The following PTPRK variants were observed in gnomAD, a reference collection of about 807,000 sequenced individuals.
PTPRK encodes the protein receptor-type tyrosine-protein phosphatase kappa.
In PTPRK, 75 loss-of-function variants were observed where a neutral mutation model predicts 178.0. The ratio of observed to expected loss-of-function variants is 0.42; its 90% CI spans 0.35 to 0.51. The LOEUF (loss-of-function observed/expected upper bound fraction) is 0.51, where lower values mean the gene tolerates loss of function less well. PTPRK is among the 20% of genes least tolerant of loss of function. The probability of loss-of-function intolerance (pLI) is 0.02; values close to 1 mark genes in which losing one functional copy is unlikely to be tolerated. For missense variants in PTPRK, 1,441 were observed against 1,797.8 expected, an observed-to-expected ratio of 0.80 and a Z score of 3.59; for synonymous variants, 637 against 620.6, an observed-to-expected ratio of 1.03 and a Z score of -0.39.
chr6:128,302,822 C>T (rs1825845725), intron 3 of PTPRK, among the ~76,000 whole-genome samples: 1 of 152,094 alleles, frequency 6.6e-6, no homozygotes, highest in African/African-American at 2.4e-5. Flanking sequence ...TATCTTTATG[C>T]TAACGGCTCC....
At chr6:128,299,499 G>T (rs1825160903) in intron 3 of PTPRK, among the ~76,000 whole-genome samples, 1 of 151,750 alleles carries the variant, frequency 6.6e-6, no homozygotes, top group Non-Finnish European at 1.5e-5. Flanking sequence ...AACCAAAACA[G>T]CATGGTACTG....
At chr6:128,065,888 G>A (rs1161496034) in intron 12 of PTPRK, among the ~76,000 whole-genome samples, 1 of 152,146 alleles carries the variant, frequency 6.6e-6, no homozygotes, top group Non-Finnish European at 1.5e-5. Flanking sequence ...TCTACTTGTA[G>A]AAGTCACATC....
At chr6:128,098,316 C>T (rs551068606) in intron 7 of PTPRK, among the ~76,000 whole-genome samples, 2 of 152,120 alleles carry the variant, frequency 1.3e-5, no homozygotes, top group African/African-American at 4.8e-5. Context: ...CTTCCCCATG[C>T]TTTGATTTTG....
At chr6:128,092,930 TG>T (rs758759674) in intron 7 of PTPRK, among the ~76,000 whole-genome samples, 34 of 152,330 alleles carry the variant, frequency 2.2e-4, no homozygotes, top group Non-Finnish European at 4.1e-4. Flanking sequence ...AGATATTGTT[TG>T]GAAACCACTG....
chr6:128,515,420 T>TA (rs1338837438), intron 1 of PTPRK, among the ~76,000 whole-genome samples: 2 of 152,022 alleles, frequency 1.3e-5, no homozygotes, highest in Non-Finnish European at 2.9e-5. Flanking sequence ...GAGTTTTGAT[T>TA]AAAAAAACAA....
intron 18 of PTPRK, chr6:127,995,216 A>T (rs768980246): frequency 9.0e-6 from 14 of 1,563,036 alleles, no homozygotes; most frequent in Middle Eastern, 1.7e-4. Flanking sequence ...TATTTATAAT[A>T]GGGTGCTGTT....
At chr6:128,098,139 C>T (rs890930489) in intron 7 of PTPRK, among the ~76,000 whole-genome samples, 6 of 151,976 alleles carry the variant, frequency 3.9e-5, no homozygotes, top group Admixed American at 1.3e-4. Flanking sequence ...ATTTTCTGAA[C>T]AATAAAGCAG....
chr6:128,079,424 A>T (rs576859414), intron 10 of PTPRK, among the ~76,000 whole-genome samples: 1 of 152,216 alleles, frequency 6.6e-6, no homozygotes, highest in African/African-American at 2.4e-5. Flanking sequence ...CAAGAGAAAC[A>T]TACCAAGAAG....
rs1296373550 is a variant in PTPRK at position 128,013,880 on chromosome 6, C to T, written c.2195-4612G>A. Reference sequence around the variant, plus strand: ...TCTGCCTGTTCCACCTCAAAACCCACATTGTAGCACACGGTATTTTCTAGG... The same window carrying T: ...TCTGCCTGTTCCACCTCAAAACCCATATTGTAGCACACGGTATTTTCTAGG... On this transcript the variant is annotated intron_variant, in intron 13 of 29. Transcript: ENST00000368226. 3.3e-5 allele frequency among the ~76,000 whole-genome samples: 5 copies of T among 151,630 alleles called. No individual in the cohort carries two copies. In the East Asian group the frequency reaches 7.8e-4, roughly 24 times the overall value.
intron 5 of PTPRK, chr6:128,238,197 A>C: frequency 2.5e-6 from 1 of 401,868 alleles, no homozygotes; most frequent in Non-Finnish European, 4.7e-6. Context: ...AAAAAAAAAA[A>C]AAAAAGAAAA....
Position 128,089,989 on chromosome 6 carries a change from G to A in PTPRK, c.1166C>T (p.Pro389Leu), listed in dbSNP as rs760929668. ...CTTTAATGTCTTTGGGGTTCTCATA[G>A]GTTCTGAAAAATAAATCAGAGTTGT... Reference protein sequence around the residue: ...PLITRTKCAEPMRTPKTLKIA... With the variant: ...PLITRTKCAELMRTPKTLKIA... Residue 389 changes from proline (P) to leucine (L), a missense_variant, in exon 8 of 30, where the codon CCT (proline) becomes CTT (leucine). Coordinates refer to ENST00000368226, the MANE Select transcript of PTPRK (RefSeq NM_002844.4). The A allele has an allele frequency of 6.3e-7, 1 of 1,595,820 alleles. No individual in the cohort carries two copies. The highest frequency in any genetic ancestry group is 1.7e-5 in the Admixed American group (1 of 59,858).
At chr6:128,233,722 G>A (rs754423680) in intron 5 of PTPRK, among the ~76,000 whole-genome samples, 8 of 152,164 alleles carry the variant, frequency 5.3e-5, no homozygotes, top group South Asian at 4.1e-4. Flanking sequence ...CAGCACCTGC[G>A]GCGATTACTG....
intron 6 of PTPRK, among the ~76,000 whole-genome samples, chr6:128,201,472 T>C (rs1157204562): frequency 6.6e-6 from 1 of 152,170 alleles, no homozygotes; most frequent in Non-Finnish European, 1.5e-5. Flanking sequence ...AAAAAGGACA[T>C]GTGTGGTAGT....
At chr6:128,447,767 G>A (rs557819391) in intron 1 of PTPRK, among the ~76,000 whole-genome samples, 7 of 151,800 alleles carry the variant, frequency 4.6e-5, no homozygotes, top group South Asian at 2.1e-4. Flanking sequence ...GGGACTACAC[G>A]CGTGTGCCAC....
intron 7 of PTPRK, among the ~76,000 whole-genome samples, chr6:128,125,927 ATAGT>A (rs1348582668): frequency 6.6e-6 from 1 of 152,056 alleles, no homozygotes; most frequent in African/African-American, 2.4e-5. Flanking sequence ...GTTTTAAAAA[ATAGT>A]TATATTATTT....
intron 5 of PTPRK, among the ~76,000 whole-genome samples, chr6:128,221,314 G>A (rs1169682056): frequency 6.6e-6 from 1 of 150,860 alleles, no homozygotes; most frequent in African/African-American, 2.4e-5. Context: ...CACGAGGTCA[G>A]GAGATCAAGA....
intron 1 of PTPRK, among the ~76,000 whole-genome samples, chr6:128,442,390 C>A (rs1161777721): frequency 1.3e-5 from 2 of 152,100 alleles, no homozygotes; most frequent in African/African-American, 4.8e-5. Flanking sequence ...CTAAGTCCAA[C>A]ATCTAACCTC....
chr6:127,993,651 A>G (rs2114668578), intron 18 of PTPRK, among the ~76,000 whole-genome samples: 1 of 151,838 alleles, frequency 6.6e-6, no homozygotes, highest in Admixed American at 6.6e-5. Flanking sequence ...GGAAGATTTC[A>G]AATTTTTAAT....
At chr6:128,517,385 C>A (rs1858231789) in intron 1 of PTPRK, among the ~76,000 whole-genome samples, 1 of 152,172 alleles carries the variant, frequency 6.6e-6, no homozygotes, top group South Asian at 2.1e-4. Flanking sequence ...CTAAGTCCTT[C>A]TACAGAAAAC....
Sources: gnomAD v4.1 joint callset for allele counts (sites outside exome capture counted in the v4.1 genomes callset) on GRCh38, gnomAD v4.1.1 for gene constraint, MANE v1.5 for transcripts, NCBI Gene and HGNC (gene_info 2026-07-23, HGNC 2026-07-21) for gene names.